The following GFRA2 variants were observed in gnomAD, a reference collection of about 807,000 sequenced individuals.
The protein encoded by GFRA2 is GDNF family receptor alpha 2, also known as GDNF family receptor alpha-2.
Under a neutral mutation model 48.3 loss-of-function variants are expected in GFRA2, and 17 were observed. The observed-to-expected ratio is 0.35, with a 90% confidence interval of 0.24 to 0.53. The LOEUF is 0.53. Among genes scored for constraint, GFRA2 ranks in the 20% least tolerant of loss-of-function variants. The pLI, the probability that GFRA2 is intolerant of heterozygous loss-of-function variation, is 0.93. For synonymous variants in GFRA2, 305 were observed against 257.2 expected (o/e 1.19, Z -1.78); for missense variants, 660 against 637.3 (o/e 1.04, Z -0.38).
In GFRA2 at chr8:21,774,881, C is replaced by A. The variant is rs373907975; in HGVS notation, c.439+91G>T. ...GATGGGCAGCAGGGCCATCATCGGA[C>A]GCCAGGATGCCTGTCCAAGCCCAGA... On this transcript the variant is annotated intron_variant, in intron 3 of 8. Transcript: ENST00000524240. 8.3e-6 allele frequency: 6 copies of A among 723,762 alleles called. No individual in the cohort carries two copies. In the African/African-American group the frequency reaches 1.0e-4, roughly 12 times the overall value. 44.8% of individuals were successfully genotyped at this position (723,762 alleles called of 1,614,324 possible).
chr8:21,795,048 G>C (rs113635273), intron 2 of GFRA2, among the ~76,000 whole-genome samples: 1 of 152,192 alleles, frequency 6.6e-6, no homozygotes, highest in Admixed American at 6.5e-5. Context: ...CCAGGGCCTC[G>C]CAGACCTCTC....
intron 4 of GFRA2, among the ~76,000 whole-genome samples, chr8:21,721,443 C>G (rs79065192): frequency 6.6e-6 from 1 of 152,148 alleles, no homozygotes; most frequent in East Asian, 1.9e-4. Flanking sequence ...TCCAGTGGGT[C>G]CCTGTGGAGG....
At chr8:21,723,140 G>C (rs955123184) in intron 4 of GFRA2, among the ~76,000 whole-genome samples, 4 of 152,194 alleles carry the variant, frequency 2.6e-5, no homozygotes, top group Non-Finnish European at 4.4e-5. Context: ...AAAGCATCCA[G>C]GTAGACTCTT....
chr8:21,798,428 T>C (rs1290724375), intron 2 of GFRA2, among the ~76,000 whole-genome samples: 1 of 151,732 alleles, frequency 6.6e-6, no homozygotes, highest in Non-Finnish European at 1.5e-5. Context: ...AGTGCTCTCC[T>C]CATCTCTGCT....
intron 7 of GFRA2, among the ~76,000 whole-genome samples, chr8:21,698,489 G>T: frequency 6.6e-6 from 1 of 152,076 alleles, no homozygotes; most frequent in East Asian, 1.9e-4. Flanking sequence ...CCAGAGCCTC[G>T]CTGGTCTGGC....
intron 4 of GFRA2, among the ~76,000 whole-genome samples, chr8:21,712,216 G>T (rs1182285514): frequency 9.2e-5 from 14 of 152,208 alleles, no homozygotes; most frequent in Non-Finnish European, 1.8e-4. Flanking sequence ...CAGACGGGGT[G>T]GCTGCCGGGC....
At position 21,720,114 on chromosome 8, in the gene GFRA2, T is replaced by C. The variant is rs186791586; in HGVS notation, c.795-14073A>G. Among the ~76,000 whole-genome samples, 303 of 151,360 alleles carry C rather than the reference T, an allele frequency of 2.0e-3. 1 individual carries two copies. Among genetic ancestry groups the C allele is most frequent in the African/African-American group, 7.0e-3 (286 of 41,114 alleles). On this transcript the variant is annotated intron_variant, in intron 4 of 8. Coordinates refer to ENST00000524240, the MANE Select transcript of GFRA2 (RefSeq NM_001495.5). The stretch of plus-strand genomic sequence containing the variant: ...ATGCAAACCCTATTATTCCACGGCA[T>C]ATTGTTACAAAGATTCAGAGAGATT...
Position 21,765,847 on chromosome 8 carries a change from G to A in GFRA2, c.439+9125C>T, listed in dbSNP as rs188153838. The stretch of plus-strand genomic sequence containing the variant: ...CACTGTTGTTCAAGTACAAAATATC[G>A]AGTTGTCCATAAATTCATCCCACTT... On this transcript the variant is annotated intron_variant, in intron 3 of 8. Transcript: ENST00000524240. Among the ~76,000 whole-genome samples, 20 of 151,988 alleles carry A rather than the reference G, an allele frequency of 1.3e-4. No homozygotes were observed. The East Asian group carries it at 2.9e-3, about 22-fold the overall frequency.
chr8:21,762,393 G>T (rs868784319), intron 3 of GFRA2, among the ~76,000 whole-genome samples: 4 of 152,232 alleles, frequency 2.6e-5, no homozygotes, highest in Middle Eastern at 6.8e-3. Context: ...CTGTAGGTCA[G>T]GGTGCTTACC....
chr8:21,771,048 C>T (rs1002626714), intron 3 of GFRA2, among the ~76,000 whole-genome samples: 43 of 152,228 alleles, frequency 2.8e-4, no homozygotes, highest in African/African-American at 1.0e-3. Context: ...CCCAGGCAGA[C>T]AGAGGATGAC....
At chr8:21,791,433 T>C (rs1807572106), upstream of GFRA2, among the ~76,000 whole-genome samples, 1 of 152,132 alleles carries the variant, frequency 6.6e-6, no homozygotes, top group Non-Finnish European at 1.5e-5. Context: ...ACCTACTGCC[T>C]ATACAGACGT....
At chr8:21,704,250 A>AGGG (rs1382454732) in intron 6 of GFRA2, among the ~76,000 whole-genome samples, 5 of 152,264 alleles carry the variant, frequency 3.3e-5, no homozygotes, top group Non-Finnish European at 7.4e-5. Flanking sequence ...ATTCTCCAAG[A>AGGG]AGCCTTCAGG....
chr8:21,715,977 A>G (rs915412291), intron 4 of GFRA2, among the ~76,000 whole-genome samples: 1 of 152,126 alleles, frequency 6.6e-6, no homozygotes, highest in Non-Finnish European at 1.5e-5. Flanking sequence ...TATGTAAGCC[A>G]ATTGATTCTG....
intron 4 of GFRA2, among the ~76,000 whole-genome samples, chr8:21,744,283 C>A (rs1038748381): frequency 6.6e-6 from 1 of 152,206 alleles, no homozygotes; most frequent in Non-Finnish European, 1.5e-5. Flanking sequence ...CCCAACAAGC[C>A]TCTCTGACAA....
At chr8:21,748,324 G>A (rs1805111325) in intron 4 of GFRA2, among the ~76,000 whole-genome samples, 2 of 152,072 alleles carry the variant, frequency 1.3e-5, no homozygotes, top group African/African-American at 2.4e-5. Flanking sequence ...ACTCAACTAG[G>A]AAACATGGTA....
intron 3 of GFRA2, among the ~76,000 whole-genome samples, chr8:21,770,091 C>A (rs1806372640): frequency 6.6e-6 from 1 of 152,214 alleles, no homozygotes; most frequent in Non-Finnish European, 1.5e-5. Flanking sequence ...GATGGCCGTC[C>A]CCACCCAAGA....
intron 4 of GFRA2, among the ~76,000 whole-genome samples, chr8:21,734,800 A>T (rs990263398): frequency 2.0e-5 from 3 of 152,150 alleles, no homozygotes; most frequent in African/African-American, 7.2e-5. Context: ...TGCTGTGATG[A>T]TCTTTTATAT....
chr8:21,707,257 T>C (rs1052298849), intron 4 of GFRA2, among the ~76,000 whole-genome samples: 1 of 152,156 alleles, frequency 6.6e-6, no homozygotes, highest in African/African-American at 2.4e-5. Flanking sequence ...CCTTTGCACA[T>C]ATAGCACCTC....
intron 4 of GFRA2, among the ~76,000 whole-genome samples, chr8:21,709,249 T>C (rs1452320518): frequency 2.0e-5 from 3 of 152,232 alleles, no homozygotes; most frequent in African/African-American, 7.2e-5. Context: ...TCCCTCCCCA[T>C]GAAGCCCTTC....
Sources: allele counts gnomAD v4.1 joint callset (sites outside exome capture counted in the v4.1 genomes callset), GRCh38; gene constraint gnomAD v4.1.1; transcripts MANE v1.5; gene names NCBI Gene and HGNC (gene_info 2026-07-23, HGNC 2026-07-21).